Variants in MTIF2 observed in about 807,000 individuals in gnomAD.
MTIF2 encodes the protein mitochondrial translational initiation factor 2.
A neutral mutation model predicts 83.5 loss-of-function variants in MTIF2; 71 were observed. That is an observed-to-expected ratio of 0.85 (90% CI 0.70 to 1.04). MTIF2 has a LOEUF of 1.04. MTIF2 is among the 50% of genes least tolerant of loss of function. MTIF2 has a pLI of 0.00. For synonymous variants in MTIF2, 319 were observed against 287.1 expected, an observed-to-expected ratio of 1.11 and a Z score of -1.12; for missense variants, 957 against 846.5, an observed-to-expected ratio of 1.13 and a Z score of -1.62.
intron 3 of MTIF2, 53 bp from the exon 4 acceptor site, chr2:55,263,918 T>TC: frequency 3.7e-6 from 5 of 1,362,002 alleles, no homozygotes; most frequent in South Asian, 1.2e-5. Context: ...TTAGCAAATA[T>TC]TAATTGGATA....
intron 5 of MTIF2, among the ~76,000 whole-genome samples, chr2:55,255,798 C>T (rs1212121331): frequency 6.6e-6 from 1 of 152,082 alleles, no homozygotes; most frequent in African/African-American, 2.4e-5. Flanking sequence ...AGCTTCAGAA[C>T]ATGCACAATG....
At chr2:55,244,007 A>G in intron 11 of MTIF2, 22 bp downstream of exon 11, 3 of 1,571,476 alleles carry the variant, frequency 1.9e-6, no homozygotes. Context: ...TATCTAATAT[A>G]TAGGAATTAA....
At chr2:55,254,016 A>T (rs754723747) in intron 7 of MTIF2, 25 bp downstream of exon 7, 1 of 1,611,370 alleles carries the variant, frequency 6.2e-7, no homozygotes, top group Non-Finnish European at 8.5e-7. Flanking sequence ...TCCCAAGCAC[A>T]TTGTAAGGTA....
intron 15 of MTIF2, among the ~76,000 whole-genome samples, 193 bp from the exon 16 acceptor site, chr2:55,237,013 T>C (rs1246341526): frequency 6.6e-6 from 1 of 152,218 alleles, no homozygotes; most frequent in East Asian, 1.9e-4. Context: ...AAGACTTGAT[T>C]TGTAACAAAA....
At chr2:55,266,732 G>C (rs984304425) in intron 3 of MTIF2, among the ~76,000 whole-genome samples, 5 of 143,948 alleles carry the variant, frequency 3.5e-5, no homozygotes, top group Non-Finnish European at 7.5e-5. Context: ...ATCTTTGCTA[G>C]ATAACTAGGC....
At chr2:55,238,237 G>A (rs1211868254) in intron 14 of MTIF2, among the ~76,000 whole-genome samples, 1 of 151,698 alleles carries the variant, frequency 6.6e-6, no homozygotes. Flanking sequence ...GGCTGGTCTT[G>A]AATTCGTGGC....
chr2:55,243,739 G>C, intron 11 of MTIF2, 71 bp from the exon 12 acceptor site: 2 of 1,481,252 alleles, frequency 1.4e-6, no homozygotes, highest in Non-Finnish European at 9.1e-7. Context: ...CCTTTGTGTT[G>C]TCCTGCATTA....
In MTIF2 at chr2:55,244,060, G is replaced by A. The variant is rs200763693; in HGVS notation, c.1280C>T (p.Ala427Val). 3.7e-6 allele frequency: 6 copies of A among 1,614,036 alleles called. No homozygotes were observed. Among genetic ancestry groups the A allele is most frequent in the Non-Finnish European group, 5.1e-6 (6 of 1,179,984 alleles). ...TTCTACTTCAAGAATTTCTTCTCCT[G>A]CAGAAGGAAGGTCTCTCCAGCCTGT... ...GITGWRDLPS[A>V]GEEILEVESE... Residue 427 changes from alanine to valine, a missense_variant, in exon 11 of 16, where the codon GCA (alanine) becomes GTA (valine). By Grantham distance (64) the Ala-to-Val change is moderately conservative. This residue lies in a region of MTIF2 where 733 missense variants were observed against 648.7 expected (regional missense o/e 1.13). Transcript: ENST00000263629.
intron 3 of MTIF2, among the ~76,000 whole-genome samples, chr2:55,267,245 C>A (rs528348285): frequency 6.6e-6 from 1 of 152,298 alleles, no homozygotes; most frequent in African/African-American, 2.4e-5. Context: ...CAACCTCCAC[C>A]TGCTGGGTTC....
At chr2:55,255,425 AATATG>A (rs199685974) in intron 5 of MTIF2, among the ~76,000 whole-genome samples, 10,076 of 145,678 alleles carry the variant, frequency 0.069, 465 homozygotes, top group Admixed American at 0.13. Context: ...TATATATCTC[AATATG>A]ATATATTATG....
chr2:55,265,600 T>C, intron 3 of MTIF2, among the ~76,000 whole-genome samples: 1 of 152,106 alleles, frequency 6.6e-6, no homozygotes, highest in East Asian at 1.9e-4. Context: ...CTCTTCAGTA[T>C]AGATTTTCTT....
Position 55,262,541 on chromosome 2 carries a change from CTTTTTTTTTTT to C in MTIF2, c.220-125_220-115del, listed in dbSNP as rs66500251. 41 of 285,186 alleles carry C rather than the reference CTTTTTTTTTTT, an allele frequency of 1.4e-4. 1 individual carries two copies. The highest frequency in any genetic ancestry group is 1.1e-3 in the South Asian group (39 of 35,062). The allele number at this position is 285,186 out of a possible 1,614,324, so 17.7% of individuals were successfully genotyped here. On this transcript the variant is annotated intron_variant, in intron 4 of 15. Coordinates refer to ENST00000263629, the MANE Select transcript of MTIF2 (RefSeq NM_002453.3). Reference sequence around the variant, plus strand: ...TAGCTACATTTCTTTCTTTTTTTTTCTTTTTTTTTTTTTTTTTTTGAGACAGACTCTTGCTC... The same window carrying C: ...TAGCTACATTTCTTTCTTTTTTTTTCTTTTTTTTGAGACAGACTCTTGCTC...
At chr2:55,253,036 A>AGT (rs1171069601) in intron 7 of MTIF2, among the ~76,000 whole-genome samples, 1 of 152,230 alleles carries the variant, frequency 6.6e-6, no homozygotes, top group Non-Finnish European at 1.5e-5. Flanking sequence ...TTTAGTAGGC[A>AGT]GTAGCTCACG....
chr2:55,263,338 C>T (rs1035779049), intron 4 of MTIF2, among the ~76,000 whole-genome samples: 26 of 152,312 alleles, frequency 1.7e-4, no homozygotes, highest in South Asian at 4.1e-4. Flanking sequence ...TGGAGTAATA[C>T]TTTATTGCAT....
intron 5 of MTIF2, among the ~76,000 whole-genome samples, chr2:55,259,659 G>C (rs77029799): frequency 0.074 from 11,316 of 152,192 alleles, 1,348 homozygotes; most frequent in African/African-American, 0.25. Context: ...ATAATAAAAA[G>C]TTTTGCCAGG....
chr2:55,240,534 G>A (rs933299904), intron 13 of MTIF2, among the ~76,000 whole-genome samples: 150 of 152,154 alleles, frequency 9.9e-4, no homozygotes, highest in African/African-American at 3.3e-3. Context: ...AGCTGAGATC[G>A]CGCCACTGCA....
At chr2:55,238,596 G>C (rs1676070185) in intron 14 of MTIF2, among the ~76,000 whole-genome samples, 1 of 151,978 alleles carries the variant, frequency 6.6e-6, no homozygotes, top group South Asian at 2.1e-4. Context: ...TCACCATGTT[G>C]GTCAGACTGG....
At chr2:55,248,495 G>T (rs1053097196) in intron 9 of MTIF2, among the ~76,000 whole-genome samples, 1 of 151,922 alleles carries the variant, frequency 6.6e-6, no homozygotes, top group African/African-American at 2.4e-5. Context: ...TAATAAGGAC[G>T]GACAAAAAAG....
intron 14 of MTIF2, among the ~76,000 whole-genome samples, chr2:55,239,143 A>G (rs192862911): frequency 2.6e-5 from 4 of 152,230 alleles, no homozygotes; most frequent in African/African-American, 7.2e-5. Context: ...TGGACTGGGG[A>G]AAAAAAGTAT....
Sources: allele counts gnomAD v4.1 joint callset (sites outside exome capture counted in the v4.1 genomes callset), GRCh38; gene constraint gnomAD v4.1.1; regional missense constraint gnomAD v4.1.1; transcripts MANE v1.5; gene names NCBI Gene and HGNC (gene_info 2026-07-23, HGNC 2026-07-21).